CYB5R3: variants seen among roughly 807,000 people sequenced by gnomAD.
The protein encoded by CYB5R3 is cytochrome b5 reductase 3.
In CYB5R3, 28 loss-of-function variants were observed where a neutral mutation model predicts 36.5. The observed-to-expected ratio is 0.77, with a 90% CI of 0.57 to 1.05. The LOEUF (loss-of-function observed/expected upper bound fraction) is 1.05, where lower values mean the gene tolerates loss of function less well. Among genes scored for constraint, CYB5R3 ranks in the 50% least tolerant of loss-of-function variants. The probability of loss-of-function intolerance (pLI) is 0.00; values close to 1 mark genes in which losing one functional copy is unlikely to be tolerated. For missense variants in CYB5R3, 474 were observed against 408.9 expected (o/e 1.16, Z -1.37); for synonymous variants, 181 against 159.8 (o/e 1.13, Z -1.00).
chr22:42,644,582 C>A, intron 1 of CYB5R3: 1 of 1,522,294 alleles, frequency 6.6e-7, no homozygotes, highest in Middle Eastern at 1.7e-4. Context: ...CCTTGGTAGA[C>A]TTTTCACAGC....
intron 1 of CYB5R3, among the ~76,000 whole-genome samples, chr22:42,648,781 T>TCG (rs1053108801): frequency 9.2e-5 from 14 of 151,948 alleles, no homozygotes; most frequent in African/African-American, 3.1e-4. Context: ...CATAGTGACA[T>TCG]CGCACACACA....
At chr22:42,627,221 G>A in intron 7 of CYB5R3, 83 bp downstream of exon 7, 1 of 1,138,362 alleles carries the variant, frequency 8.8e-7, no homozygotes, top group Non-Finnish European at 1.3e-6. Context: ...GAGCTGTGCA[G>A]ACCCCTGGAA....
intron 2 of CYB5R3, among the ~76,000 whole-genome samples, chr22:42,635,343 A>G (rs1008681594): frequency 2.0e-5 from 3 of 151,654 alleles, no homozygotes; most frequent in Admixed American, 6.6e-5. Context: ...TGACCTCATG[A>G]TCTGCCCTCC....
chr22:42,627,725 C>T (rs756370101), intron 5 of CYB5R3, 37 bp from the exon 6 acceptor site: 27 of 1,492,262 alleles, frequency 1.8e-5, no homozygotes, highest in Non-Finnish European at 3.7e-6. Flanking sequence ...GGCCATCAAA[C>T]ATGCCATGTG....
chr22:42,635,876 CAA>C (rs1928863620), intron 2 of CYB5R3, among the ~76,000 whole-genome samples: 1 of 152,114 alleles, frequency 6.6e-6, no homozygotes, highest in Non-Finnish European at 1.5e-5. Context: ...GGGGGCAAGG[CAA>C]AAGAGGGAGA....
chr22:42,648,630 C>A (rs1312287281), intron 1 of CYB5R3, among the ~76,000 whole-genome samples: 4 of 152,288 alleles, frequency 2.6e-5, no homozygotes, highest in African/African-American at 7.2e-5. Context: ...ACTGACACCG[C>A]AAAGTGTGAG....
In CYB5R3 at chr22:42,638,482, T is replaced by C. The variant is rs549740314; in HGVS notation, c.22-1636A>G. Among the ~76,000 whole-genome samples the C allele has an allele frequency of 1.4e-4, 20 of 143,258 alleles. No individual in the cohort carries two copies. In the East Asian group the frequency reaches 2.1e-3, roughly 15 times the overall value. The allele number at this position is 143,258 out of a possible 152,430, so 94.0% of individuals were successfully genotyped here. A position where few individuals can be genotyped will look rare whatever the true frequency, so the allele number is the denominator to read the frequency against. ...CTACTCAGATGGCAGAGGCAGAAGA[T>C]TGCTTGAGCCCAGTAGTTCGCGACC... On this transcript the variant is annotated intron_variant, in intron 1 of 8. Transcript: ENST00000352397.
intron 2 of CYB5R3, 25 bp downstream of exon 2, chr22:42,636,690 G>GGCA: frequency 1.9e-6 from 3 of 1,607,408 alleles, no homozygotes; most frequent in Non-Finnish European, 1.7e-6. Flanking sequence ...ATGCTGACGA[G>GGCA]GCAGCGGCGG....
rs1036744860 is a variant in CYB5R3 at position 42,623,914 on chromosome 22, A to G, written c.634-26T>C. Reference sequence around the variant, plus strand: ...CTGCAGGGGACAGGGCCAGGCAGTCAGGAAGGATGGGTGGCAGACTGCCCC... The same window carrying G: ...CTGCAGGGGACAGGGCCAGGCAGTCGGGAAGGATGGGTGGCAGACTGCCCC... On this transcript the variant is annotated intron_variant, in intron 7 of 8. Transcript: ENST00000352397. 3.8e-6 allele frequency: 6 copies of G among 1,596,950 alleles called. No homozygotes were observed. In the African/African-American group the frequency reaches 6.7e-5, roughly 18 times the overall value.
At chr22:42,645,595 C>T (rs1294614402) in intron 1 of CYB5R3, among the ~76,000 whole-genome samples, 1 of 152,130 alleles carries the variant, frequency 6.6e-6, no homozygotes, top group Non-Finnish European at 1.5e-5. Context: ...CAAGGACCTT[C>T]CTTCCAGTGT....
At chr22:42,639,843 CTTTTT>C in intron 1 of CYB5R3, 2 of 1,011,004 alleles carry the variant, frequency 2.0e-6, no homozygotes, top group Non-Finnish European at 2.7e-6. Flanking sequence ...GCTTGATTCA[CTTTTT>C]TTTTTTTTTG....
chr22:42,636,238 C>A (rs5758823), intron 2 of CYB5R3, among the ~76,000 whole-genome samples: 92,502 of 151,676 alleles, frequency 0.61, 28,451 homozygotes, highest in East Asian at 0.87. Context: ...AGTATGAACT[C>A]ACTAATGAAA....
chr22:42,639,704 T>C, intron 1 of CYB5R3: 1 of 421,938 alleles, frequency 2.4e-6, no homozygotes, highest in Non-Finnish European at 4.3e-6. Flanking sequence ...GTAATTATTC[T>C]GTGGTTACGC....
At chr22:42,628,813 G>A (rs1043596186) in intron 4 of CYB5R3, among the ~76,000 whole-genome samples, 1 of 152,198 alleles carries the variant, frequency 6.6e-6, no homozygotes, top group African/African-American at 2.4e-5. Context: ...GACAGAGGAG[G>A]AGCGGCTCAC....
rs775343156 is a variant in CYB5R3, at chr22:42,627,594, G to A, written c.547+11C>T. ...GAGCCGCCGGACGCCTCAGTGGGGG[G>A]TTCCGTGTACCTGTCCCTCCCGCGA... On this transcript the variant is annotated intron_variant, in intron 6 of 8. Coordinates refer to ENST00000352397, the MANE Select transcript of CYB5R3 (RefSeq NM_000398.7). 6.2e-7 allele frequency: 1 copy of A among 1,612,536 alleles called. No individual in the cohort carries two copies. Among genetic ancestry groups the A allele is most frequent in the Non-Finnish European group, 8.5e-7 (1 of 1,178,552 alleles).
Position 42,619,676 on chromosome 22 carries a change from C to A in CYB5R3, c.*97G>T. The A allele has an allele frequency of 1.5e-6, 2 of 1,292,544 alleles. No homozygotes were observed. The highest frequency in any genetic ancestry group is 2.8e-5 in the South Asian group (2 of 70,924). 80.1% of individuals were successfully genotyped at this position (1,292,544 alleles called of 1,614,324 possible). ...CAGGGCACGGGCAGGCCAGGCTGAA[C>A]CCGGGGCCCCAGTGTGCGATGTGGG... On this transcript the variant is annotated 3_prime_UTR_variant, in exon 9 of 9. Coordinates refer to ENST00000352397, the MANE Select transcript of CYB5R3 (RefSeq NM_000398.7).
At chr22:42,644,858 C>G (rs1929464792) in intron 1 of CYB5R3, among the ~76,000 whole-genome samples, 2 of 152,180 alleles carry the variant, frequency 1.3e-5, no homozygotes, top group Admixed American at 6.5e-5. Flanking sequence ...CAGCTTAAGG[C>G]CCCTCCGCGG....
chr22:42,649,327 G>T lies in CYB5R3; in HGVS notation c.-12C>A, dbSNP rs766757771. ...AGCTGGGCCCCCATGGTGGCCCCGC[G>T]CCGCGCTCGCTCTGTCGCCGCCGCC... is the stretch of plus-strand genomic sequence containing the variant. On this transcript the variant is annotated 5_prime_UTR_variant, in exon 1 of 9. Transcript: ENST00000352397. 9.9e-7 allele frequency: 1 copy of T among 1,011,750 alleles called. No homozygotes were observed. Among genetic ancestry groups the T allele is most frequent in the Non-Finnish European group, 1.2e-6 (1 of 839,008 alleles). 62.7% of individuals were successfully genotyped at this position (1,011,750 alleles called of 1,614,324 possible).
At chr22:42,646,930 A>G in intron 1 of CYB5R3, 1 of 985,468 alleles carries the variant, frequency 1.0e-6, no homozygotes. Context: ...CCGGGCTGGG[A>G]GGCAGGGGAA....
Sources: allele counts gnomAD v4.1 joint callset (sites outside exome capture counted in the v4.1 genomes callset), GRCh38; gene constraint gnomAD v4.1.1; transcripts MANE v1.5; gene names NCBI Gene and HGNC (gene_info 2026-07-23, HGNC 2026-07-21).